Variants in EGF observed in about 807,000 individuals in gnomAD.
EGF encodes pro-epidermal growth factor.
A neutral mutation model predicts 143.8 loss-of-function variants in EGF; 95 were observed. The observed-to-expected ratio is 0.66, with a 90% CI of 0.56 to 0.78. The LOEUF is 0.78. Ranked by LOEUF, EGF falls within the 30% of genes least tolerant of loss-of-function variation. The probability of loss-of-function intolerance (pLI) is 0.00; values close to 1 mark genes in which losing one functional copy is unlikely to be tolerated. For synonymous variants in EGF, 510 were observed against 510.5 expected (o/e 1.00, Z 0.01); for missense variants, 1,320 against 1,470.9 (o/e 0.90, Z 1.68).
intron 5 of EGF, among the ~76,000 whole-genome samples, chr4:109,957,670 C>T (rs1745015134): frequency 6.6e-6 from 1 of 152,202 alleles, no homozygotes; most frequent in Non-Finnish European, 1.5e-5. Context: ...AGTCTCAGGC[C>T]CTCTGCCTGC....
chr4:109,953,908 T>C (rs982029163), intron 5 of EGF, among the ~76,000 whole-genome samples: 2 of 152,246 alleles, frequency 1.3e-5, no homozygotes, highest in African/African-American at 4.8e-5. Context: ...TTTTTAATTA[T>C]GGATACATAA....
intron 1 of EGF, among the ~76,000 whole-genome samples, chr4:109,940,275 CCAGT>C (rs1230122886): frequency 2.0e-5 from 3 of 151,936 alleles, no homozygotes; most frequent in Non-Finnish European, 4.4e-5. Flanking sequence ...TGCAAAGTGC[CCAGT>C]CAAATTTGAA....
rs769334675 is a variant in EGF, at chr4:109,940,959, C to T, written c.141C>T (p.Phe47=). Residue 47 remains phenylalanine, a synonymous_variant, in exon 2 of 24, where the codon TTC becomes TTT. Transcript: ENST00000265171. The part of the protein sequence containing the change: ...GNSTCVGPAP[F]LIFSHGNSIF... The stretch of plus-strand genomic sequence containing the variant: ...CTTCCCACCCAGGTCCTGCACCCTT[C>T]TTAATTTTCTCCCATGGAAATAGTA... The T allele has an allele frequency of 1.2e-6, 2 of 1,614,050 alleles. No homozygotes were observed. The highest frequency in any genetic ancestry group is 1.7e-6 in the Non-Finnish European group (2 of 1,179,942).
chr4:109,997,897 T>A (rs1752042504), intron 20 of EGF, among the ~76,000 whole-genome samples: 1 of 152,164 alleles, frequency 6.6e-6, no homozygotes, highest in South Asian at 2.1e-4. Context: ...AAGCCTTGTT[T>A]ATCTGTATTG....
intron 23 of EGF, among the ~76,000 whole-genome samples, chr4:110,010,861 A>C (rs1053627038): frequency 3.3e-5 from 5 of 152,082 alleles, no homozygotes; most frequent in Admixed American, 6.6e-5. Context: ...AGGAGTTCAA[A>C]ACCAGCCTGG....
chr4:109,998,798 T>C (rs1379799211), intron 20 of EGF, among the ~76,000 whole-genome samples: 1 of 152,222 alleles, frequency 6.6e-6, no homozygotes, highest in Non-Finnish European at 1.5e-5. Flanking sequence ...GGGACATGGA[T>C]GAATAAATAG....
At chr4:109,922,658 C>T (rs367640723) in intron 1 of EGF, among the ~76,000 whole-genome samples, 22 of 151,756 alleles carry the variant, frequency 1.4e-4, no homozygotes, top group Middle Eastern at 3.4e-3. Context: ...TCTAGTGTTA[C>T]GCTTGCTTGT....
rs61309548 is a variant in EGF, at chr4:109,963,064, C to CAA, written c.1313-93_1313-92dup. The CAA allele has an allele frequency of 6.0e-3, 6,687 of 1,111,662 alleles. 58 individuals are homozygous for CAA. Among genetic ancestry groups the CAA allele is most frequent in the African/African-American group, 0.057 (3,013 of 53,308 alleles). The allele number at this position is 1,111,662 out of a possible 1,614,324, so 68.9% of individuals were successfully genotyped here. A position where few individuals can be genotyped will look rare whatever the true frequency, so the allele number is the denominator to read the frequency against. On this transcript the variant is annotated intron_variant, in intron 8 of 23. Coordinates refer to ENST00000265171, the MANE Select transcript of EGF (RefSeq NM_001963.6). Reference sequence around the variant, plus strand: ...TGGGTGAAAGAGTGAAACTCCATCTCAAAAAAAAAAAAAAAAATTAACAAA... The same window carrying CAA: ...TGGGTGAAAGAGTGAAACTCCATCTCAAAAAAAAAAAAAAAAAAATTAACAAA...
At chr4:109,941,966 C>T (rs1376853653) in intron 2 of EGF, among the ~76,000 whole-genome samples, 1 of 152,186 alleles carries the variant, frequency 6.6e-6, no homozygotes, top group Non-Finnish European at 1.5e-5. Flanking sequence ...AGTTGATTCT[C>T]AATGCAAAGT....
rs911364618 is a variant in EGF, at chr4:109,940,972, C to A, written c.154C>A (p.His52Asn). ...VGPAPFLIFS[H>N]GNSIFRIDTE... ...TCCTGCACCCTTCTTAATTTTCTCC[C>A]ATGGAAATAGTATCTTTAGGATTGA... Residue 52 changes from histidine (H) to asparagine (N), a missense_variant, in exon 2 of 24, where the codon CAT becomes AAT. Coordinates refer to ENST00000265171, the MANE Select transcript of EGF (RefSeq NM_001963.6). The A allele has an allele frequency of 6.2e-7, 1 of 1,614,060 alleles. No individual in the cohort carries two copies.
At chr4:109,913,865 C>T (rs1464227308) in intron 1 of EGF, among the ~76,000 whole-genome samples, 1 of 152,126 alleles carries the variant, frequency 6.6e-6, no homozygotes, top group African/African-American at 2.4e-5. Context: ...ATCCTTCCTT[C>T]TGATAACTTG....
Position 109,973,246 on chromosome 4 carries a change from C to G in EGF, c.1725-1457C>G, listed in dbSNP as rs2237048. Among the ~76,000 whole-genome samples, 2,066 of 152,250 alleles carry G rather than the reference C, an allele frequency of 0.014. 213 individuals carry two copies. The East Asian group carries it at 0.23, about 17-fold the overall frequency. On this transcript the variant is annotated intron_variant, in intron 11 of 23. Transcript: ENST00000265171. The stretch of plus-strand genomic sequence containing the variant: ...CATTTCTTCTGCTACTGTTTTATCT[C>G]CTCACCGTCATCTCCTGCCTGCCTC...
intron 11 of EGF, among the ~76,000 whole-genome samples, chr4:109,971,051 C>T (rs1354352335): frequency 6.6e-6 from 1 of 151,982 alleles, no homozygotes; most frequent in Non-Finnish European, 1.5e-5. Context: ...ATTAAATCCC[C>T]AAAGGTAAGT....
chr4:109,964,623 G>A, intron 10 of EGF, 86 bp downstream of exon 10: 1 of 1,573,334 alleles, frequency 6.4e-7, no homozygotes, highest in Non-Finnish European at 8.7e-7. Flanking sequence ...TGGCCTACTT[G>A]AAAATCCTCT....
intron 11 of EGF, among the ~76,000 whole-genome samples, chr4:109,970,783 C>T (rs1378385452): frequency 6.8e-6 from 1 of 146,962 alleles, no homozygotes; most frequent in Non-Finnish European, 1.5e-5. Context: ...GGAGATCGCA[C>T]CACTGCACTC....
intron 3 of EGF, among the ~76,000 whole-genome samples, 158 bp from the exon 4 acceptor site, chr4:109,943,684 T>A (rs937676505): frequency 1.3e-5 from 2 of 152,218 alleles, no homozygotes; most frequent in African/African-American, 4.8e-5. Context: ...TGAAATCACT[T>A]GTAATGTCTA....
At chr4:109,960,796 CT>C in intron 6 of EGF, 70 bp from the exon 7 acceptor site, 5 of 1,587,352 alleles carry the variant, frequency 3.1e-6, no homozygotes, top group Non-Finnish European at 4.3e-6. Flanking sequence ...GTTGTGATGA[CT>C]TATTAGTGAT....
rs539826929 is a variant in EGF, at chr4:109,930,360, C to T, written c.128-10586C>T. Among the ~76,000 whole-genome samples, 10 of 152,250 alleles carry T rather than the reference C, an allele frequency of 6.6e-5. No homozygotes were observed. In the South Asian group the frequency reaches 2.1e-3, roughly 32 times the overall value. On this transcript the variant is annotated intron_variant, in intron 1 of 23. Transcript: ENST00000265171. ...GCACCTGGGGAGTAGTAATAAATGACTCTTCTTAGGGGCTTTCTGTGGGAG... is the reference window on the plus strand; with the variant it reads ...GCACCTGGGGAGTAGTAATAAATGATTCTTCTTAGGGGCTTTCTGTGGGAG...
At chr4:109,980,541 G>T in intron 14 of EGF, 1 of 491,146 alleles carries the variant, frequency 2.0e-6, no homozygotes, top group Non-Finnish European at 3.7e-6. Context: ...AGTTTGACTA[G>T]ATGATGAGTC....
Sources: allele counts gnomAD v4.1 joint callset (sites outside exome capture counted in the v4.1 genomes callset), GRCh38; gene constraint gnomAD v4.1.1; transcripts MANE v1.5; gene names NCBI Gene and HGNC (gene_info 2026-07-23, HGNC 2026-07-21).